VAX2: variants seen among roughly 807,000 people sequenced by gnomAD.
The protein encoded by VAX2 is ventral anterior homeobox 2.
A neutral mutation model predicts 12.5 loss-of-function variants in VAX2; 8 were observed. That is an observed-to-expected ratio of 0.64 (90% CI 0.37 to 1.15). The LOEUF is 1.15. Among genes scored for constraint, VAX2 ranks in the 50% most tolerant of loss-of-function variants. VAX2 has a pLI of 0.01. For synonymous variants in VAX2, 183 were observed against 187.6 expected, an observed-to-expected ratio of 0.98 and a Z score of 0.20; for missense variants, 476 against 412.9, an observed-to-expected ratio of 1.15 and a Z score of -1.32.
chr2:70,917,428 T>G (rs1466533745), intron 1 of VAX2, among the ~76,000 whole-genome samples: 1 of 152,168 alleles, frequency 6.6e-6, no homozygotes, highest in African/African-American at 2.4e-5. Flanking sequence ...AAGTATATTT[T>G]TAACTCTTTA....
rs1679007201 is a variant in VAX2 at position 70,904,537 on chromosome 2, C to T, written c.247+3669C>T. Among the ~76,000 whole-genome samples, 1 of 152,234 alleles carries T rather than the reference C, an allele frequency of 6.6e-6. No individual in the cohort carries two copies. The highest frequency in any genetic ancestry group is 1.5e-5 in the Non-Finnish European group (1 of 68,042). ...AGCAACTTTTACAGACAATGCGTGG[C>T]GTCCGTTCCTGCTCACCCAAAGCGG... On this transcript the variant is annotated intron_variant, in intron 1 of 2. Coordinates refer to ENST00000234392, the MANE Select transcript of VAX2 (RefSeq NM_012476.3). This position sits in a 1 kb window ranked among gnomAD's most constrained non-coding sequence, Gnocchi z 4.2.
At chr2:70,932,690 C>T in intron 2 of VAX2, 77 bp from the exon 3 acceptor site, 1 of 917,740 alleles carries the variant, frequency 1.1e-6, no homozygotes, top group Non-Finnish European at 1.5e-6. Flanking sequence ...CCTTCCTCTC[C>T]TTTCCTCCTC....
At chr2:70,905,623 C>T (rs372858082) in intron 1 of VAX2, among the ~76,000 whole-genome samples, 32 of 152,208 alleles carry the variant, frequency 2.1e-4, no homozygotes, top group Non-Finnish European at 4.0e-4. Flanking sequence ...TTCTGTTCCC[C>T]GCCTGGTCTG....
chr2:70,910,451 A>G (rs1223784459), intron 1 of VAX2, among the ~76,000 whole-genome samples: 2 of 152,116 alleles, frequency 1.3e-5, no homozygotes, highest in African/African-American at 4.8e-5. Context: ...CAAAACTCTT[A>G]TATTGATTTA....
At position 70,904,936 on chromosome 2, in the gene VAX2, C is replaced by T. The variant is rs1679017086; in HGVS notation, c.247+4068C>T. ...CACAATGGCGTGCAGCCGCCGGGGC[C>T]CTAACTCCCAGAGACGCGTCTGAAG... is the stretch of plus-strand genomic sequence containing the variant. On this transcript the variant is annotated intron_variant, in intron 1 of 2. Coordinates refer to ENST00000234392, the MANE Select transcript of VAX2 (RefSeq NM_012476.3). This position sits in a 1 kb window ranked among gnomAD's most constrained non-coding sequence, Gnocchi z 4.2. 6.6e-6 allele frequency among the ~76,000 whole-genome samples: 1 copy of T among 152,214 alleles called. No homozygotes were observed. Among genetic ancestry groups the T allele is most frequent in the African/African-American group, 2.4e-5 (1 of 41,452 alleles).
intron 2 of VAX2, among the ~76,000 whole-genome samples, chr2:70,929,005 TAA>T (rs1679631854): frequency 1.3e-5 from 2 of 152,172 alleles, no homozygotes; most frequent in African/African-American, 4.8e-5. Flanking sequence ...CTGGCTTGGC[TAA>T]GAGGTCAGGA....
chr2:70,922,638 G>C (rs1485029018), intron 2 of VAX2, among the ~76,000 whole-genome samples: 1 of 150,932 alleles, frequency 6.6e-6, no homozygotes, highest in Non-Finnish European at 1.5e-5. Context: ...AGGCAGAGGA[G>C]GGGCAGGCCG....
chr2:70,930,252 C>T (rs1679664374), intron 2 of VAX2, among the ~76,000 whole-genome samples: 1 of 151,246 alleles, frequency 6.6e-6, no homozygotes, highest in Non-Finnish European at 1.5e-5. Flanking sequence ...AACACCAACT[C>T]ACATCTAGTT....
chr2:70,904,950 A>G lies in VAX2; in HGVS notation c.247+4082A>G, dbSNP rs1679017337. 2.0e-5 allele frequency among the ~76,000 whole-genome samples: 3 copies of G among 152,192 alleles called. No individual in the cohort carries two copies. Among genetic ancestry groups the G allele is most frequent in the South Asian group, 4.1e-4 (2 of 4,830 alleles). On this transcript the variant is annotated intron_variant, in intron 1 of 2. Coordinates refer to ENST00000234392, the MANE Select transcript of VAX2 (RefSeq NM_012476.3). This position sits in a 1 kb window ranked among gnomAD's most constrained non-coding sequence, Gnocchi z 4.2. ...GCCGCCGGGGCCCTAACTCCCAGAG[A>G]CGCGTCTGAAGAAGCCATACAAGGG...
chr2:70,907,492 A>T lies in VAX2; in HGVS notation c.247+6624A>T, dbSNP rs187306912. Among the ~76,000 whole-genome samples the T allele has an allele frequency of 7.9e-5, 12 of 152,364 alleles. No individual in the cohort carries two copies. In the East Asian group the frequency reaches 2.1e-3, roughly 27 times the overall value. On this transcript the variant is annotated intron_variant, in intron 1 of 2. Coordinates refer to ENST00000234392, the MANE Select transcript of VAX2 (RefSeq NM_012476.3). ...GCTGCAGCCCACGGCTGGAGCCAAA[A>T]ATAACCGCGCAGTTGACGCCACGGT...
intron 2 of VAX2, among the ~76,000 whole-genome samples, chr2:70,925,554 C>T (rs1334272356): frequency 6.6e-6 from 1 of 152,088 alleles, no homozygotes; most frequent in African/African-American, 2.4e-5. Flanking sequence ...GCGGAGATGT[C>T]AAGAAAGCAT....
At chr2:70,923,192 G>A (rs543798912) in intron 2 of VAX2, among the ~76,000 whole-genome samples, 7 of 152,194 alleles carry the variant, frequency 4.6e-5, no homozygotes, top group East Asian at 1.9e-4. Flanking sequence ...CAAGTCCTCC[G>A]CACTGTTCTC....
intron 1 of VAX2, among the ~76,000 whole-genome samples, chr2:70,918,428 A>G (rs1471005651): frequency 6.6e-6 from 1 of 152,158 alleles, no homozygotes; most frequent in Non-Finnish European, 1.5e-5. Context: ...GGGATTCTCA[A>G]GGTAGGTCCC....
intron 1 of VAX2, among the ~76,000 whole-genome samples, chr2:70,903,595 CA>C (rs1462081835): frequency 6.6e-6 from 1 of 152,198 alleles, no homozygotes; most frequent in Non-Finnish European, 1.5e-5. Context: ...CAAAGGGACC[CA>C]TAGCCCTTAT....
At chr2:70,901,595 C>T (rs1553409798) in intron 1 of VAX2, among the ~76,000 whole-genome samples, 1 of 152,258 alleles carries the variant, frequency 6.6e-6, no homozygotes, top group Non-Finnish European at 1.5e-5. Flanking sequence ...GCCTTCCCAG[C>T]ACCTTCTTCC....
chr2:70,928,994 G>A (rs1553413933), intron 2 of VAX2, among the ~76,000 whole-genome samples: 1 of 152,214 alleles, frequency 6.6e-6, no homozygotes, highest in Non-Finnish European at 1.5e-5. Context: ...ACGGGGAGGT[G>A]CTGGCTTGGC....
chr2:70,909,562 C>A (rs1553410982), intron 1 of VAX2, among the ~76,000 whole-genome samples: 1 of 151,996 alleles, frequency 6.6e-6, no homozygotes, highest in African/African-American at 2.4e-5. Flanking sequence ...ACTTCCACTC[C>A]TAAGATTTAC....
At position 70,921,244 on chromosome 2, in the gene VAX2, C is replaced by T. The variant is rs150176075; in HGVS notation, c.394C>T (p.Arg132Cys). Reference protein sequence around the residue: ...QRCQYVVGRERTELARQLNLS... With the variant: ...QRCQYVVGRECTELARQLNLS... Reference sequence around the variant, plus strand: ...CTGCCAGTATGTGGTGGGCCGCGAGCGCACTGAGCTGGCCCGCCAGCTGAA... The same window carrying T: ...CTGCCAGTATGTGGTGGGCCGCGAGTGCACTGAGCTGGCCCGCCAGCTGAA... The change falls in exon 2 of 3, where the codon CGC becomes TGC. Residue 132 changes from arginine to cysteine, a missense_variant. Arg to Cys is a radical substitution (Grantham distance 180). Transcript: ENST00000234392. The T allele has an allele frequency of 1.8e-5, 29 of 1,612,830 alleles. No homozygotes were observed. Among genetic ancestry groups the T allele is most frequent in the Middle Eastern group, 1.6e-4 (1 of 6,078 alleles).
In VAX2 at chr2:70,921,284, A is replaced by T; in HGVS notation, c.434A>T (p.Gln145Leu). The change falls in exon 2 of 3, where the codon CAG (glutamine) becomes CTG (leucine). Residue 145 changes from glutamine to leucine, a missense_variant and splice_region_variant. Transcript: ENST00000234392. ...LARQLNLSET[Q>L]VKVWFQNRRT... is the part of the protein sequence containing the mutation. ...CGCCAGCTGAACCTCTCCGAGACCC[A>T]GGTAAGAGACCAGGGCCAGGCCACT... The T allele has an allele frequency of 6.2e-7, 1 of 1,606,376 alleles. No individual in the cohort carries two copies. The highest frequency in any genetic ancestry group is 8.5e-7 in the Non-Finnish European group (1 of 1,177,072).
Sources: gnomAD v4.1 joint callset for allele counts (sites outside exome capture counted in the v4.1 genomes callset) on GRCh38, gnomAD v4.1.1 for gene constraint, Gnocchi (gnomAD v3.1) non-coding constraint, MANE v1.5 for transcripts, NCBI Gene and HGNC (gene_info 2026-07-23, HGNC 2026-07-21) for gene names.